Variants in FMNL2 observed in about 807,000 individuals in gnomAD.
The protein encoded by FMNL2 is formin-like protein 2.
Under a neutral mutation model 130.2 loss-of-function variants are expected in FMNL2, and 51 were observed. The ratio of observed to expected loss-of-function variants is 0.39; its 90% CI spans 0.31 to 0.49. The LOEUF (loss-of-function observed/expected upper bound fraction) is 0.49, where lower values mean the gene tolerates loss of function less well. FMNL2 is among the 20% of genes least tolerant of loss of function. The pLI, the probability that FMNL2 is intolerant of heterozygous loss-of-function variation, is 0.85. For synonymous variants in FMNL2, 465 were observed against 467.1 expected, an observed-to-expected ratio of 1.00 and a Z score of 0.06; for missense variants, 977 against 1,316.2, an observed-to-expected ratio of 0.74 and a Z score of 3.99.
rs1216803121 is a variant in FMNL2, at chr2:152,575,154, C to G, written c.615C>G (p.Ser205Arg). The G allele has an allele frequency of 2.5e-6, 4 of 1,602,250 alleles. No homozygotes were observed. In the East Asian group the frequency reaches 8.9e-5, roughly 36 times the overall value. The change falls in exon 7 of 26, where the codon AGC (serine) becomes AGG (arginine). Residue 205 changes from serine to arginine, a missense_variant. Physicochemically the swap from Ser to Arg is moderately radical, Grantham distance 110. Coordinates refer to ENST00000288670, the MANE Select transcript of FMNL2 (RefSeq NM_052905.4). The part of the protein sequence containing the change: ...HSALRYNTLP[S>R]RRTLKNSRLV... Reference sequence around the variant, plus strand: ...TTTGTAGATATAATACATTGCCAAGCAGAAGAACTCTGAAAAATTCAAGAT... The same window carrying G: ...TTTGTAGATATAATACATTGCCAAGGAGAAGAACTCTGAAAAATTCAAGAT...
At chr2:152,451,199 A>C (rs924669259) in intron 1 of FMNL2, among the ~76,000 whole-genome samples, 3 of 151,654 alleles carry the variant, frequency 2.0e-5, no homozygotes, top group African/African-American at 7.3e-5. Context: ...CCCAGGCTGG[A>C]GTGTGGTGGC....
intron 1 of FMNL2, among the ~76,000 whole-genome samples, chr2:152,470,347 C>T (rs1273553372): frequency 6.6e-6 from 1 of 152,074 alleles, no homozygotes; most frequent in East Asian, 1.9e-4. Context: ...AGTAATTGCT[C>T]AATAAATATT....
At chr2:152,390,300 G>A (rs1685040055) in intron 1 of FMNL2, 3 of 1,301,004 alleles carry the variant, frequency 2.3e-6, no homozygotes, top group Non-Finnish European at 3.3e-6. Flanking sequence ...CATCGATGGG[G>A]AGCTCTACAA....
At chr2:152,383,074 G>A (rs570664864) in intron 1 of FMNL2, among the ~76,000 whole-genome samples, 2 of 152,240 alleles carry the variant, frequency 1.3e-5, no homozygotes, top group Non-Finnish European at 1.5e-5. Context: ...GATCATAAAC[G>A]ACTAAGTTAC....
chr2:152,523,538 T>C (rs75396774), intron 2 of FMNL2, among the ~76,000 whole-genome samples: 2,870 of 152,332 alleles, frequency 0.019, 92 homozygotes, highest in African/African-American at 0.065. Context: ...TATTTAAATA[T>C]ATCAGCATTA....
chr2:152,396,848 T>G (rs2105947095), intron 1 of FMNL2, among the ~76,000 whole-genome samples: 1 of 152,304 alleles, frequency 6.6e-6, no homozygotes, highest in East Asian at 1.9e-4. Flanking sequence ...ATTCCATCAT[T>G]AAGAAAAAAA....
intron 6 of FMNL2, among the ~76,000 whole-genome samples, chr2:152,569,953 G>C (rs1334877355): frequency 6.6e-6 from 1 of 151,008 alleles, no homozygotes. Context: ...AGAGGTTGCA[G>C]TGAGCCAAGA....
At chr2:152,358,274 T>C (rs1579470198) in intron 1 of FMNL2, among the ~76,000 whole-genome samples, 2 of 152,134 alleles carry the variant, frequency 1.3e-5, no homozygotes, top group East Asian at 3.9e-4. Flanking sequence ...CTTTAGAGGT[T>C]TTGGGACTGG....
chr2:152,436,677 T>A (rs181659490), intron 1 of FMNL2, among the ~76,000 whole-genome samples: 133 of 152,164 alleles, frequency 8.7e-4, no homozygotes, highest in Non-Finnish European at 1.7e-3. Context: ...CACCTTTGCC[T>A]GGAAGTGACG....
chr2:152,545,418 T>A (rs982646682), intron 3 of FMNL2, among the ~76,000 whole-genome samples: 6 of 152,198 alleles, frequency 3.9e-5, no homozygotes, highest in African/African-American at 1.4e-4. Context: ...TTTGCTTTTT[T>A]TAAAAAAAAA....
Position 152,344,405 on chromosome 2 carries a change from G to T in FMNL2, c.117+8685G>T, listed in dbSNP as rs969114317. 2.6e-5 allele frequency among the ~76,000 whole-genome samples: 4 copies of T among 152,204 alleles called. No homozygotes were observed. The East Asian group carries it at 7.7e-4, about 29-fold the overall frequency. ...ACAAGATAATGAGTGTAATAGAAAA[G>T]GGATTGTTTAAGAAGTTAAACAAAA... On this transcript the variant is annotated intron_variant, in intron 1 of 25. Coordinates refer to ENST00000288670, the MANE Select transcript of FMNL2 (RefSeq NM_052905.4).
At chr2:152,478,215 C>T (rs575483703) in intron 1 of FMNL2, among the ~76,000 whole-genome samples, 31 of 141,460 alleles carry the variant, frequency 2.2e-4, no homozygotes, top group East Asian at 1.6e-3. Context: ...ACTTAATATA[C>T]GTATACATAT....
At chr2:152,612,009 A>C (rs1180188473) in intron 11 of FMNL2, among the ~76,000 whole-genome samples, 1 of 152,182 alleles carries the variant, frequency 6.6e-6, no homozygotes, top group Non-Finnish European at 1.5e-5. Context: ...GTGATGAGTC[A>C]GTGCTTAGAG....
chr2:152,572,832 G>A (rs1696254409), intron 6 of FMNL2, among the ~76,000 whole-genome samples: 1 of 151,272 alleles, frequency 6.6e-6, no homozygotes, highest in East Asian at 1.9e-4. Flanking sequence ...TACTCACATG[G>A]TAATTAAAGC....
chr2:152,645,537 A>ACTT (rs1683475817), intron 25 of FMNL2: 3 of 1,284,484 alleles, frequency 2.3e-6, no homozygotes, highest in Non-Finnish European at 3.0e-6. Context: ...GGCAAGCATC[A>ACTT]CTTTTTACTT....
At chr2:152,498,749 T>A (rs750613235) in intron 1 of FMNL2, among the ~76,000 whole-genome samples, 1 of 152,182 alleles carries the variant, frequency 6.6e-6, no homozygotes, top group Non-Finnish European at 1.5e-5. Context: ...CCCTTTTTCT[T>A]TAAAACCTTG....
At chr2:152,480,891 T>C (rs969279723) in intron 1 of FMNL2, among the ~76,000 whole-genome samples, 26 of 152,184 alleles carry the variant, frequency 1.7e-4, no homozygotes, top group Non-Finnish European at 3.2e-4. Flanking sequence ...GCCTGGTGTT[T>C]TCCTCTTCAA....
At chr2:152,375,894 T>TA (rs1319253620) in intron 1 of FMNL2, among the ~76,000 whole-genome samples, 1 of 146,096 alleles carries the variant, frequency 6.8e-6, no homozygotes, top group Non-Finnish European at 1.5e-5. Context: ...TATATATATA[T>TA]ATAATTATTA....
At chr2:152,347,392 C>T (rs1682187415) in intron 1 of FMNL2, among the ~76,000 whole-genome samples, 1 of 152,170 alleles carries the variant, frequency 6.6e-6, no homozygotes, top group Non-Finnish European at 1.5e-5. Flanking sequence ...GAAATATTGA[C>T]ACTGCAGCAT....
Sources: gnomAD v4.1 joint callset for allele counts (sites outside exome capture counted in the v4.1 genomes callset) on GRCh38, gnomAD v4.1.1 for gene constraint, MANE v1.5 for transcripts, NCBI Gene and HGNC (gene_info 2026-07-23, HGNC 2026-07-21) for gene names.